The following CSMD1 variants were observed in gnomAD, a reference collection of about 807,000 sequenced individuals.
CSMD1 encodes CUB and sushi domain-containing protein 1.
CSMD1 carries 213 observed loss-of-function variants against 417.5 expected under a neutral mutation model. The ratio of observed to expected loss-of-function variants is 0.51; its 90% confidence interval spans 0.46 to 0.57. The LOEUF (loss-of-function observed/expected upper bound fraction) is 0.57. CSMD1 is among the 20% of genes least tolerant of loss of function. CSMD1 has a pLI of 0.00. For missense variants in CSMD1, 6,923 were observed against 4,529.7 expected (o/e 1.53, Z -15.17); for synonymous variants, 2,862 against 1,736.8 (o/e 1.65, Z -16.11).
At chr8:4,828,948 G>A (rs1172022673) in intron 1 of CSMD1, among the ~76,000 whole-genome samples, 4 of 152,072 alleles carry the variant, frequency 2.6e-5, no homozygotes, top group East Asian at 1.9e-4. Flanking sequence ...AAACCATAGA[G>A]CTAGTAATTC....
At chr8:4,403,126 C>T (rs955694828) in intron 3 of CSMD1, among the ~76,000 whole-genome samples, 9 of 151,814 alleles carry the variant, frequency 5.9e-5, no homozygotes, top group Admixed American at 1.3e-4. Context: ...CCACTGCCCC[C>T]GGCCAAAATG....
intron 6 of CSMD1, among the ~76,000 whole-genome samples, chr8:3,739,373 C>T (rs535601154): frequency 1.3e-4 from 20 of 152,306 alleles, no homozygotes; most frequent in Admixed American, 3.9e-4. Context: ...CCACTTATTA[C>T]ACGTTTACAA....
chr8:3,248,523 C>CTTTTTTTTTTTTTTT (rs10663439), intron 26 of CSMD1, among the ~76,000 whole-genome samples: 2 of 85,946 alleles, frequency 2.3e-5, no homozygotes, highest in African/African-American at 4.2e-5. Context: ...AATTCCCTCC[C>CTTTTTTTTTTTTTTT]TTTTTTTTTT....
chr8:3,869,430 G>C (rs1471911811), intron 5 of CSMD1, among the ~76,000 whole-genome samples: 1 of 152,002 alleles, frequency 6.6e-6, no homozygotes, highest in Admixed American at 6.6e-5. Context: ...CTCCAATCCT[G>C]TCCTGCCTTC....
chr8:3,610,946 A>G (rs761328266), intron 8 of CSMD1, among the ~76,000 whole-genome samples: 202 of 151,916 alleles, frequency 1.3e-3, no homozygotes, highest in Non-Finnish European at 2.5e-3. Context: ...CAGTCAAGCA[A>G]CAGCACCAGG....
rs1447100723 is a variant in CSMD1 at position 4,266,265 on chromosome 8, A to G, written c.415+153688T>C. Among the ~76,000 whole-genome samples the G allele has an allele frequency of 1.9e-5, 2 of 105,424 alleles. 1 individual carries two copies. The highest frequency in any genetic ancestry group is 1.8e-4 in the Admixed American group (2 of 11,126). 69.2% of individuals were successfully genotyped at this position (105,424 alleles called of 152,430 possible). The stretch of plus-strand genomic sequence containing the variant: ...ACAACTCATTTAAAAATTTAATACC[A>G]AAGAAAATTTTATAAATTTTTGTTT... On this transcript the variant is annotated intron_variant, in intron 3 of 69. Transcript: ENST00000635120.
At chr8:4,159,078 G>A (rs894575724) in intron 3 of CSMD1, among the ~76,000 whole-genome samples, 1 of 152,084 alleles carries the variant, frequency 6.6e-6, no homozygotes, top group African/African-American at 2.4e-5. Flanking sequence ...ACCAGGCCCA[G>A]CTAATTTTTG....
At chr8:3,245,493 C>T (rs1799819388) in intron 26 of CSMD1, among the ~76,000 whole-genome samples, 1 of 152,186 alleles carries the variant, frequency 6.6e-6, no homozygotes, top group Non-Finnish European at 1.5e-5. Context: ...TTTACAAAAG[C>T]TAAATAAGCC....
At chr8:4,864,029 G>T (rs921784030) in intron 1 of CSMD1, among the ~76,000 whole-genome samples, 1 of 151,846 alleles carries the variant, frequency 6.6e-6, no homozygotes, top group Non-Finnish European at 1.5e-5. Flanking sequence ...TACATTAATA[G>T]CATGTTTATT....
chr8:4,732,852 C>T (rs184598079), intron 1 of CSMD1, among the ~76,000 whole-genome samples: 2 of 152,244 alleles, frequency 1.3e-5, no homozygotes, highest in Admixed American at 6.5e-5. Flanking sequence ...AGTTGACATC[C>T]ACACTCATTC....
At chr8:4,620,795 G>C (rs545398632) in intron 2 of CSMD1, among the ~76,000 whole-genome samples, 19 of 151,718 alleles carry the variant, frequency 1.3e-4, no homozygotes, top group Non-Finnish European at 2.7e-4. Context: ...TTATAAAAAA[G>C]AGAGAGCCAA....
intron 23 of CSMD1, among the ~76,000 whole-genome samples, chr8:3,311,842 G>GACTT (rs752028277): frequency 7.2e-5 from 11 of 152,058 alleles, no homozygotes; most frequent in East Asian, 1.9e-4. Context: ...TTTCCTGTGG[G>GACTT]ACTTACAAAT....
At chr8:3,481,600 G>A (rs911750266) in intron 11 of CSMD1, among the ~76,000 whole-genome samples, 2 of 152,160 alleles carry the variant, frequency 1.3e-5, no homozygotes, top group Middle Eastern at 3.2e-3. Flanking sequence ...TTAAGTTAAG[G>A]ATCGAAATGT....
At chr8:3,427,799 T>C (rs189053713) in intron 12 of CSMD1, among the ~76,000 whole-genome samples, 2 of 152,326 alleles carry the variant, frequency 1.3e-5, no homozygotes, top group African/African-American at 4.8e-5. Flanking sequence ...GAGACTACTT[T>C]AAAAACCCTC....
At chr8:3,932,125 T>C (rs1300537476) in intron 5 of CSMD1, among the ~76,000 whole-genome samples, 1 of 150,360 alleles carries the variant, frequency 6.7e-6, no homozygotes, top group Non-Finnish European at 1.5e-5. Context: ...TAGATGATTT[T>C]ATGGCTTATA....
chr8:4,830,682 C>G (rs948027473), intron 1 of CSMD1, among the ~76,000 whole-genome samples: 3 of 152,230 alleles, frequency 2.0e-5, no homozygotes, highest in Non-Finnish European at 2.9e-5. Flanking sequence ...TGCATGCCAA[C>G]TAATGCCAAT....
chr8:3,051,179 A>G (rs998862245), intron 50 of CSMD1, among the ~76,000 whole-genome samples: 1 of 152,232 alleles, frequency 6.6e-6, no homozygotes, highest in Non-Finnish European at 1.5e-5. Context: ...TCACAATAGC[A>G]AAGATATGGA....
chr8:3,508,750 T>A (rs1379209236), intron 10 of CSMD1, among the ~76,000 whole-genome samples: 1 of 152,174 alleles, frequency 6.6e-6, no homozygotes, highest in African/African-American at 2.4e-5. Flanking sequence ...ATTATCATTC[T>A]ATTTAGACCG....
intron 3 of CSMD1, among the ~76,000 whole-genome samples, chr8:4,366,555 A>G (rs527480956): frequency 1.1e-4 from 16 of 151,984 alleles, no homozygotes; most frequent in Non-Finnish European, 2.1e-4. Context: ...GCATATAAAA[A>G]CGTTACTTTT....
Sources: gnomAD v4.1 joint callset for allele counts (sites outside exome capture counted in the v4.1 genomes callset) on GRCh38, gnomAD v4.1.1 for gene constraint, MANE v1.5 for transcripts, NCBI Gene and HGNC (gene_info 2026-07-23, HGNC 2026-07-21) for gene names.